Variants in PTCD2 observed in about 807,000 individuals in gnomAD.
PTCD2 encodes pentatricopeptide repeat domain 2, also known as pentatricopeptide repeat-containing protein 2, mitochondrial.
A neutral mutation model predicts 42.6 loss-of-function variants in PTCD2; 31 were observed. The ratio of observed to expected loss-of-function variants is 0.73; its 90% CI spans 0.55 to 0.98. PTCD2 has a LOEUF of 0.98. Among genes scored for constraint, PTCD2 ranks in the 50% least tolerant of loss-of-function variants. PTCD2 has a pLI of 0.00. For missense variants in PTCD2, 476 were observed against 454.8 expected (o/e 1.05, Z -0.42); for synonymous variants, 183 against 170.9 (o/e 1.07, Z -0.55).
chr5:72,342,820 T>C (rs1438339187), intron 7 of PTCD2, 142 bp from the exon 8 acceptor site: 4 of 416,816 alleles, frequency 9.6e-6, no homozygotes, highest in Non-Finnish European at 1.7e-5. Context: ...ATGTTTAGTT[T>C]TGATTTCCGA....
At chr5:72,355,671 G>A (rs975880722) in intron 9 of PTCD2, among the ~76,000 whole-genome samples, 4 of 152,180 alleles carry the variant, frequency 2.6e-5, no homozygotes, top group African/African-American at 7.2e-5. Context: ...ATTCTTGTAG[G>A]TCATTTGAGA....
rs1237329301 is a variant in PTCD2, at chr5:72,361,907, C to T, written c.*3480C>T. 1 of 152,254 alleles carries T rather than the reference C, an allele frequency of 6.6e-6. No individual in the cohort carries two copies. The highest frequency in any genetic ancestry group is 1.9e-4 in the East Asian group (1 of 5,192). The allele number at this position is 152,254 out of a possible 1,614,324, so 9.4% of individuals were successfully genotyped here. On this transcript the variant is annotated 3_prime_UTR_variant, in exon 10 of 10. Coordinates refer to ENST00000380639, the MANE Select transcript of PTCD2 (RefSeq NM_024754.5). ...AGTCTCACCTGGTTAGGTGAACTCC[C>T]CATGTGCCCCATGTACCTCATTTAT... is the stretch of plus-strand genomic sequence containing the variant.
At chr5:72,341,593 C>T (rs1752068047) in intron 7 of PTCD2, among the ~76,000 whole-genome samples, 1 of 151,910 alleles carries the variant, frequency 6.6e-6, no homozygotes. Flanking sequence ...ATAAATAAAA[C>T]AGGTGCAGTA....
At chr5:72,324,357 A>G (rs1249568976) in intron 2 of PTCD2, among the ~76,000 whole-genome samples, 2 of 152,174 alleles carry the variant, frequency 1.3e-5, no homozygotes, top group Non-Finnish European at 2.9e-5. Context: ...ATACCACACT[A>G]TTAACATACT....
chr5:72,342,834 A>G (rs1452716534), intron 7 of PTCD2, 128 bp from the exon 8 acceptor site: 2 of 438,074 alleles, frequency 4.6e-6, no homozygotes, highest in Admixed American at 4.2e-5. Context: ...TTTCCGAAAC[A>G]TTTTATCTTT....
intron 2 of PTCD2, among the ~76,000 whole-genome samples, chr5:72,324,540 T>C (rs1469876133): frequency 6.6e-6 from 1 of 152,176 alleles, no homozygotes; most frequent in African/African-American, 2.4e-5. Context: ...CCAACCTGAT[T>C]TCAGCCCTTT....
In PTCD2 at chr5:72,338,451, G is replaced by A. The variant is rs1751871573; in HGVS notation, c.640-171G>A. ...TTAGATTTGACCTGCTAGCCTATCA[G>A]TAGCCTGGTGTATTTGCAAATAGTC... On this transcript the variant is annotated intron_variant, in intron 6 of 9. Coordinates refer to ENST00000380639, the MANE Select transcript of PTCD2 (RefSeq NM_024754.5). Among the ~76,000 whole-genome samples the A allele has an allele frequency of 3.9e-5, 6 of 152,240 alleles. No individual in the cohort carries two copies. The South Asian group carries it at 1.2e-3, about 31-fold the overall frequency.
rs1331452216 is a variant in PTCD2 at position 72,359,932 on chromosome 5, A to G, written c.*1505A>G. On this transcript the variant is annotated 3_prime_UTR_variant, in exon 10 of 10. Transcript: ENST00000380639. Reference sequence around the variant, plus strand: ...CATCCTCAGTTTCCTCATTTGGTAAATGGGGATAATGGTACCGACCTCTTA... The same window carrying G: ...CATCCTCAGTTTCCTCATTTGGTAAGTGGGGATAATGGTACCGACCTCTTA... 2 of 151,990 alleles carry G rather than the reference A, an allele frequency of 1.3e-5. No homozygotes were observed. Among genetic ancestry groups the G allele is most frequent in the Non-Finnish European group, 2.9e-5 (2 of 67,998 alleles). The allele number at this position is 151,990 out of a possible 1,614,324, so 9.4% of individuals were successfully genotyped here. A position where few individuals can be genotyped will look rare whatever the true frequency, so the allele number is the denominator to read the frequency against.
At chr5:72,322,412 T>C (rs910574115) in intron 2 of PTCD2, 148 bp downstream of exon 2, 7 of 614,270 alleles carry the variant, frequency 1.1e-5, no homozygotes, top group Admixed American at 2.9e-5. Flanking sequence ...TGAACTCTTA[T>C]ATTTATCTTG....
intron 4 of PTCD2, among the ~76,000 whole-genome samples, chr5:72,334,030 T>A (rs1481256155): frequency 1.3e-5 from 2 of 152,018 alleles, no homozygotes; most frequent in Non-Finnish European, 2.9e-5. Flanking sequence ...GCTAATTTTT[T>A]AAATTTTTAT....
At chr5:72,351,637 A>G (rs1169514719) in intron 8 of PTCD2, among the ~76,000 whole-genome samples, 1 of 152,220 alleles carries the variant, frequency 6.6e-6, no homozygotes, top group Non-Finnish European at 1.5e-5. Context: ...TCTTCTTCAC[A>G]AGGCAGCAGG....
Position 72,358,655 on chromosome 5 carries a change from T to A in PTCD2, c.*228T>A, listed in dbSNP as rs1753005984. 5 of 554,600 alleles carry A rather than the reference T, an allele frequency of 9.0e-6. No individual in the cohort carries two copies. The highest frequency in any genetic ancestry group is 1.6e-5 in the Non-Finnish European group (5 of 309,570). The allele number at this position is 554,600 out of a possible 1,614,324, so 34.4% of individuals were successfully genotyped here. A position where few individuals can be genotyped will look rare whatever the true frequency, so the allele number is the denominator to read the frequency against. On this transcript the variant is annotated 3_prime_UTR_variant, in exon 10 of 10. Transcript: ENST00000380639. ...CTCCCTCAGAAAGGCGCTTCCCTTT[T>A]GCATGGCTGAGGATCCTTGAAGGAA...
At chr5:72,335,251 C>T (rs1751669759) in intron 5 of PTCD2, among the ~76,000 whole-genome samples, 155 bp downstream of exon 5, 2 of 151,912 alleles carry the variant, frequency 1.3e-5, no homozygotes, top group Admixed American at 1.3e-4. Flanking sequence ...AGATCGAGAC[C>T]ATCCTGGCTA....
chr5:72,346,673 G>T (rs1752375063), intron 8 of PTCD2, among the ~76,000 whole-genome samples: 2 of 152,160 alleles, frequency 1.3e-5, no homozygotes, highest in Admixed American at 1.3e-4. Context: ...CTTCCAGCAG[G>T]CATACTATGT....
rs778287718 is a variant in PTCD2 at position 72,320,421 on chromosome 5, G to T, written c.39G>T (p.Ser13=). The T allele has an allele frequency of 6.2e-7, 1 of 1,614,132 alleles. No homozygotes were observed. Among genetic ancestry groups the T allele is most frequent in the Non-Finnish European group, 8.5e-7 (1 of 1,180,036 alleles). The change falls in exon 1 of 10, where the codon TCG becomes TCT. Residue 13 remains serine (S), a synonymous_variant. Transcript: ENST00000380639. The part of the protein sequence containing the change: ...RDSMAAAFRP[S]NRVLLQALQI... ...GTATGGCTGCTGCATTTCGGCCCTC[G>T]AATCGAGTTCTCCTGCAGGCGCTGC...
intron 7 of PTCD2, among the ~76,000 whole-genome samples, 153 bp downstream of exon 7, chr5:72,338,888 T>G (rs191346294): frequency 6.6e-6 from 1 of 152,344 alleles, no homozygotes; most frequent in African/African-American, 2.4e-5. Flanking sequence ...GCAACCTATA[T>G]CTATACCTAT....
intron 6 of PTCD2, 84 bp downstream of exon 6, chr5:72,335,969 G>T: frequency 2.7e-6 from 2 of 727,552 alleles, no homozygotes; most frequent in South Asian, 1.9e-5. Context: ...ATAAAATTCA[G>T]TTCCTCTGAA....
rs1751424775 is a variant in PTCD2 at position 72,331,245 on chromosome 5, T to G, written c.351-13T>G. ...TCCTACCTTTTGGCTCATTGAATCA[T>G]TTTCATTACCAGGTACCATGCAGAG... On this transcript the variant is annotated splice_polypyrimidine_tract_variant and intron_variant, in intron 3 of 9. Coordinates refer to ENST00000380639, the MANE Select transcript of PTCD2 (RefSeq NM_024754.5). The G allele has an allele frequency of 6.4e-7, 1 of 1,561,696 alleles. No homozygotes were observed. Among genetic ancestry groups the G allele is most frequent in the Non-Finnish European group, 8.8e-7 (1 of 1,132,188 alleles).
intron 7 of PTCD2, among the ~76,000 whole-genome samples, chr5:72,341,619 C>T (rs1469760560): frequency 1.3e-5 from 2 of 152,022 alleles, no homozygotes; most frequent in Non-Finnish European, 2.9e-5. Context: ...TAGTACATGC[C>T]TGTAGTCCTT....
Sources: allele counts gnomAD v4.1 joint callset (sites outside exome capture counted in the v4.1 genomes callset), GRCh38; gene constraint gnomAD v4.1.1; transcripts MANE v1.5; gene names NCBI Gene and HGNC (gene_info 2026-07-23, HGNC 2026-07-21).